CACNA1C: variants seen among roughly 807,000 people sequenced by gnomAD.
CACNA1C encodes voltage-dependent L-type calcium channel subunit alpha-1C.
A neutral mutation model predicts 229.0 loss-of-function variants in CACNA1C; 30 were observed. The observed-to-expected ratio is 0.13, with a 90% CI of 0.10 to 0.18. The LOEUF is 0.18. Ranked by LOEUF, CACNA1C falls within the 10% of genes least tolerant of loss-of-function variation. The pLI, the probability that CACNA1C is intolerant of heterozygous loss-of-function variation, is 1.00. For missense variants in CACNA1C, 1,658 were observed against 2,845.0 expected (o/e 0.58, Z 9.49); for synonymous variants, 1,114 against 1,132.5 (o/e 0.98, Z 0.33).
At chr12:1,990,179 T>C (rs1263329639) in intron 1 of CACNA1C, among the ~76,000 whole-genome samples, 2 of 152,210 alleles carry the variant, frequency 1.3e-5, no homozygotes, top group Non-Finnish European at 2.9e-5. Flanking sequence ...TATTCTCATT[T>C]ATAAAACAGG....
At position 2,649,613 on chromosome 12, in the gene CACNA1C, C is replaced by T. The variant is rs992067675; in HGVS notation, c.3945+1106C>T. Among the ~76,000 whole-genome samples, 6 of 152,120 alleles carry T rather than the reference C, an allele frequency of 3.9e-5. No homozygotes were observed. Among genetic ancestry groups the T allele is most frequent in the Non-Finnish European group, 8.8e-5 (6 of 68,044 alleles). ...CTCGAGCAGCATTAGGAAACTGCAG[C>T]CACAGGGGAGGGCTCTGAACAGTGG... On this transcript the variant is annotated intron_variant, in intron 31 of 46. Coordinates refer to ENST00000399655, the MANE Select transcript of CACNA1C (RefSeq NM_000719.7). This position sits in a 1 kb window ranked among gnomAD's most constrained non-coding sequence, Gnocchi z 4.4.
intron 5 of CACNA1C, among the ~76,000 whole-genome samples, chr12:2,472,958 G>C (rs1467019452): frequency 6.6e-6 from 1 of 152,096 alleles, no homozygotes; most frequent in African/African-American, 2.4e-5. Flanking sequence ...ATGTTGTCAG[G>C]GCAATGATTT....
intron 1 of CACNA1C, among the ~76,000 whole-genome samples, chr12:1,983,901 G>C (rs1282469503): frequency 1.3e-5 from 2 of 151,334 alleles, no homozygotes; most frequent in Non-Finnish European, 3.0e-5. Flanking sequence ...CACACACTTT[G>C]AAGCTCTGTA....
intron 3 of CACNA1C, among the ~76,000 whole-genome samples, chr12:2,138,449 G>A (rs568458425): frequency 4.6e-5 from 7 of 151,228 alleles, no homozygotes; most frequent in South Asian, 2.1e-4. Context: ...CAGTGTGGAG[G>A]TGCTTGAACC....
chr12:2,482,856 C>G (rs767758190), intron 5 of CACNA1C, among the ~76,000 whole-genome samples: 1 of 152,240 alleles, frequency 6.6e-6, no homozygotes, highest in African/African-American at 2.4e-5. Context: ...CATCTAACCC[C>G]TCTTCCTCAA....
chr12:2,400,420 A>G (rs11836543), intron 3 of CACNA1C, among the ~76,000 whole-genome samples: 2,163 of 152,204 alleles, frequency 0.014, 54 homozygotes, highest in African/African-American at 0.047. Context: ...CCAAGTTCTC[A>G]TTAGGGTCAA....
chr12:2,601,904 C>T lies in CACNA1C; in HGVS notation c.2904C>T (p.Tyr968=). Residue 968 remains tyrosine (Y), a synonymous_variant, in exon 22 of 47, where the codon TAC becomes TAT. Transcript: ENST00000399655. This position sits in a 1 kb window ranked among gnomAD's most constrained non-coding sequence, Gnocchi z 5.9. ...FLHKGSFCRN[Y]FNILDLLVVS... ...ACAAGGGTTCTTTCTGCCGGAACTA[C>T]TTCAACATCCTGGACCTGCTGGTGG... 1.2e-6 allele frequency: 2 copies of T among 1,614,020 alleles called. No homozygotes were observed. Among genetic ancestry groups the T allele is most frequent in the Non-Finnish European group, 1.7e-6 (2 of 1,179,884 alleles).
At chr12:1,977,815 T>G (rs947150658) in intron 1 of CACNA1C, among the ~76,000 whole-genome samples, 2 of 152,230 alleles carry the variant, frequency 1.3e-5, no homozygotes, top group Non-Finnish European at 2.9e-5. Context: ...AAATTTGACT[T>G]TCTTACTGCT....
chr12:2,086,928 T>C (rs944491058), intron 1 of CACNA1C, among the ~76,000 whole-genome samples: 7 of 152,160 alleles, frequency 4.6e-5, no homozygotes, highest in African/African-American at 1.7e-4. Flanking sequence ...GGAACACAGA[T>C]ATTTGTGAGC....
chr12:2,409,762 C>T (rs1297551179), intron 3 of CACNA1C, among the ~76,000 whole-genome samples: 2 of 152,214 alleles, frequency 1.3e-5, no homozygotes, highest in African/African-American at 4.8e-5. Flanking sequence ...AAGGCAAGTA[C>T]CTGTGCTCCC....
At chr12:2,277,160 A>G (rs1378044642) in intron 3 of CACNA1C, among the ~76,000 whole-genome samples, 1 of 152,166 alleles carries the variant, frequency 6.6e-6, no homozygotes, top group Non-Finnish European at 1.5e-5. Flanking sequence ...CCCTTGAGGT[A>G]GCTATTGTTA....
chr12:1,999,839 T>G (rs2041778983), intron 1 of CACNA1C, among the ~76,000 whole-genome samples: 1 of 152,236 alleles, frequency 6.6e-6, no homozygotes, highest in African/African-American at 2.4e-5. Context: ...CTATGAAGTT[T>G]GTATAAATCA....
At chr12:2,527,048 T>G (rs764883302) in intron 9 of CACNA1C, among the ~76,000 whole-genome samples, 5 of 152,204 alleles carry the variant, frequency 3.3e-5, no homozygotes, top group African/African-American at 7.2e-5. Flanking sequence ...TTGATAAAGT[T>G]ATTCAGTGTT....
chr12:2,014,649 G>C (rs1181810564), intron 1 of CACNA1C, among the ~76,000 whole-genome samples: 2 of 152,208 alleles, frequency 1.3e-5, no homozygotes, highest in Admixed American at 1.3e-4. Context: ...AGAGGCTCCA[G>C]TTTCTTTACA....
chr12:2,255,819 A>G (rs1566706872), intron 3 of CACNA1C, among the ~76,000 whole-genome samples: 4 of 152,302 alleles, frequency 2.6e-5, no homozygotes, highest in African/African-American at 9.6e-5. Flanking sequence ...TTACAATCAC[A>G]CGATCCTGAC....
In CACNA1C at chr12:2,222,024, T is replaced by C. The variant is rs2061587636; in HGVS notation, c.477+101594T>C. 2.0e-5 allele frequency among the ~76,000 whole-genome samples: 3 copies of C among 152,366 alleles called. No homozygotes were observed. The South Asian group carries it at 6.2e-4, about 32-fold the overall frequency. On this transcript the variant is annotated intron_variant, in intron 3 of 46. Coordinates refer to ENST00000399655, the MANE Select transcript of CACNA1C (RefSeq NM_000719.7). ...AGTGTAGACAGGATATACTATACCCTGGAAGGTATAATAGGTATACATTAG... is the reference window on the plus strand; with the variant it reads ...AGTGTAGACAGGATATACTATACCCCGGAAGGTATAATAGGTATACATTAG...
chr12:2,007,934 C>T (rs372806929), intron 1 of CACNA1C, among the ~76,000 whole-genome samples: 1 of 151,914 alleles, frequency 6.6e-6, no homozygotes, highest in Non-Finnish European at 1.5e-5. Flanking sequence ...TTATTTACTA[C>T]GTTACATATA....
At position 2,285,321 on chromosome 12, in the gene CACNA1C, A is replaced by G. The variant is rs1387007842; in HGVS notation, c.478-163655A>G. 6.6e-6 allele frequency among the ~76,000 whole-genome samples: 1 copy of G among 152,150 alleles called. No individual in the cohort carries two copies. The highest frequency in any genetic ancestry group is 1.5e-5 in the Non-Finnish European group (1 of 68,012). ...GTAGTGGGAACATTTACACCACAAAAACTGGCATATGCTACACCCAGAGCT... is the reference window on the plus strand; with the variant it reads ...GTAGTGGGAACATTTACACCACAAAGACTGGCATATGCTACACCCAGAGCT... On this transcript the variant is annotated intron_variant, in intron 3 of 46. Transcript: ENST00000399655. This position sits in a 1 kb window ranked among gnomAD's most constrained non-coding sequence, Gnocchi z 4.2.
chr12:2,506,762 C>T (rs957565349), intron 8 of CACNA1C, among the ~76,000 whole-genome samples: 27 of 152,160 alleles, frequency 1.8e-4, no homozygotes, highest in African/African-American at 4.3e-4. Flanking sequence ...GATGAATGAG[C>T]TTGAACTGCA....
Sources: allele counts gnomAD v4.1 joint callset (sites outside exome capture counted in the v4.1 genomes callset), GRCh38; gene constraint gnomAD v4.1.1; non-coding constraint Gnocchi (gnomAD v3.1); transcripts MANE v1.5; gene names NCBI Gene and HGNC (gene_info 2026-07-23, HGNC 2026-07-21).